The following KLC1 variants were observed in gnomAD, a reference collection of about 807,000 sequenced individuals.
The protein encoded by KLC1 is kinesin 2 60/70kDa.
A neutral mutation model predicts 84.2 loss-of-function variants in KLC1; 30 were observed. The ratio of observed to expected loss-of-function variants is 0.36; its 90% CI spans 0.27 to 0.48. The LOEUF is 0.48. Ranked by LOEUF, KLC1 falls within the 20% of genes least tolerant of loss-of-function variation. The pLI is 0.99. For missense variants in KLC1, 499 were observed against 805.4 expected (o/e 0.62, Z 4.60); for synonymous variants, 289 against 293.3 (o/e 0.99, Z 0.15).
At chr14:103,687,039 G>A (rs1336343800) in intron 13 of KLC1, 42 bp from the exon 14 acceptor site, 15 of 1,485,746 alleles carry the variant, frequency 1.0e-5, no homozygotes, top group Non-Finnish European at 1.4e-5. Context: ...GGGAAGGAGG[G>A]AGAACCACCT....
intron 5 of KLC1, among the ~76,000 whole-genome samples, chr14:103,665,037 T>A (rs973172749): frequency 6.6e-6 from 1 of 152,054 alleles, no homozygotes; most frequent in African/African-American, 2.4e-5. Context: ...AGTGTGAGAG[T>A]TGACCCACGT....
chr14:103,650,489 A>G lies in KLC1; in HGVS notation c.-1-4075A>G, dbSNP rs1395713334. 2.6e-5 allele frequency among the ~76,000 whole-genome samples: 4 copies of G among 152,200 alleles called. 1 individual carries two copies. The highest frequency in any genetic ancestry group is 5.9e-5 in the Non-Finnish European group (4 of 68,042). On this transcript the variant is annotated intron_variant, in intron 1 of 16. Coordinates refer to ENST00000334553, the MANE Select transcript of KLC1 (RefSeq NM_001394837.1). ...GTGATGGTGTGATTTATAGGCTGGC[A>G]AAATGTTTGAGTCAACTTAGATACT...
chr14:103,640,296 G>T (rs1376846953), intron 1 of KLC1, among the ~76,000 whole-genome samples: 1 of 152,064 alleles, frequency 6.6e-6, no homozygotes, highest in Non-Finnish European at 1.5e-5. Flanking sequence ...CTGACTTCAG[G>T]TGATCGACCC....
At chr14:103,677,971 T>A (rs1337461231) in intron 12 of KLC1, among the ~76,000 whole-genome samples, 28 of 136,280 alleles carry the variant, frequency 2.1e-4, no homozygotes, top group African/African-American at 3.2e-4. Flanking sequence ...CGTCTCAATT[T>A]AAAAAAAAAA....
chr14:103,629,809 C>T (rs1418854861), intron 1 of KLC1, among the ~76,000 whole-genome samples: 1 of 152,142 alleles, frequency 6.6e-6, no homozygotes. Flanking sequence ...TGCCCAGGGC[C>T]CCGCCCTGGC....
Position 103,699,161 on chromosome 14 carries a change from C to T in KLC1, c.1849-1494C>T, listed in dbSNP as rs1479315471. On this transcript the variant is annotated intron_variant, in intron 15 of 16. Coordinates refer to ENST00000334553, the MANE Select transcript of KLC1 (RefSeq NM_001394837.1). The stretch of plus-strand genomic sequence containing the variant: ...AGCGGCCCGTGTGCTGCGCCCTGCT[C>T]CTCCATGGCCTCTGTCACCTGGAAG... 9.6e-6 allele frequency: 15 copies of T among 1,568,296 alleles called. No homozygotes were observed. Among genetic ancestry groups the T allele is most frequent in the Non-Finnish European group, 1.3e-5 (15 of 1,159,898 alleles).
At chr14:103,668,052 GT>G (rs1370662411) in intron 5 of KLC1, among the ~76,000 whole-genome samples, 1 of 152,148 alleles carries the variant, frequency 6.6e-6, no homozygotes, top group Non-Finnish European at 1.5e-5. Flanking sequence ...TTTGTTTGTT[GT>G]TTTTTAAAAT....
intron 1 of KLC1, among the ~76,000 whole-genome samples, chr14:103,640,163 C>T (rs1344651346): frequency 1.3e-5 from 2 of 152,110 alleles, no homozygotes; most frequent in African/African-American, 2.4e-5. Flanking sequence ...CAGGTTCATG[C>T]GATTCTACTG....
chr14:103,675,156 C>T (rs573064691), intron 9 of KLC1, among the ~76,000 whole-genome samples: 1 of 152,258 alleles, frequency 6.6e-6, no homozygotes, highest in Admixed American at 6.5e-5. Context: ...AACCCCATCT[C>T]TACTAAAAAT....
intron 14 of KLC1, among the ~76,000 whole-genome samples, chr14:103,688,854 A>C (rs1415441965): frequency 6.6e-6 from 1 of 152,252 alleles, no homozygotes; most frequent in African/African-American, 2.4e-5. Flanking sequence ...ATGGGGACTT[A>C]GCAGCAAATT....
At chr14:103,679,584 G>A (rs570917209) in intron 13 of KLC1, 39 bp downstream of exon 13, 72 of 1,532,396 alleles carry the variant, frequency 4.7e-5, no homozygotes, top group Middle Eastern at 1.7e-4. Flanking sequence ...TCCGGGAGGC[G>A]CCCCCAAGTG....
intron 1 of KLC1, among the ~76,000 whole-genome samples, chr14:103,647,840 C>T (rs1321413482): frequency 6.8e-6 from 1 of 147,454 alleles, no homozygotes; most frequent in Non-Finnish European, 1.5e-5. Context: ...TGTGCAACTG[C>T]ACTCCAGCCT....
chr14:103,698,259 C>T (rs77103957), intron 15 of KLC1: 2,491 of 176,730 alleles, frequency 0.014, 65 homozygotes, highest in African/African-American at 0.055. Flanking sequence ...GGTGGGGCCC[C>T]CGGGAGCCAA....
chr14:103,701,490 GT>G lies in KLC1; in HGVS notation c.*292del. Reference sequence around the variant, plus strand: ...CCCATGTGTAACTTCCTCACGTTGTGTGCGATAACGTATTTTATTGTACATT... The same window carrying G: ...CCCATGTGTAACTTCCTCACGTTGTGGCGATAACGTATTTTATTGTACATT... On this transcript the variant is annotated 3_prime_UTR_variant, in exon 17 of 17. Coordinates refer to ENST00000334553, the MANE Select transcript of KLC1 (RefSeq NM_001394837.1). 2.4e-6 allele frequency: 1 copy of G among 412,816 alleles called. No individual in the cohort carries two copies. Among genetic ancestry groups the G allele is most frequent in the Non-Finnish European group, 4.3e-6 (1 of 231,264 alleles). 25.6% of individuals were successfully genotyped at this position (412,816 alleles called of 1,614,324 possible). A position where few individuals can be genotyped will look rare whatever the true frequency, so the allele number is the denominator to read the frequency against.
chr14:103,637,163 C>T (rs574270507), intron 1 of KLC1, among the ~76,000 whole-genome samples: 1 of 151,968 alleles, frequency 6.6e-6, no homozygotes, highest in South Asian at 2.1e-4. Flanking sequence ...TATGGCTTAA[C>T]TTTATTTTTT....
rs909279494 is a variant in KLC1, at chr14:103,694,364, G to C, written c.1848+1939G>C. The stretch of plus-strand genomic sequence containing the variant: ...CCTCCTGGGTTCACGCCATTCTCCT[G>C]CCTCAGCCTCCCGAGTAGCTGGGAC... On this transcript the variant is annotated intron_variant, in intron 15 of 16. Coordinates refer to ENST00000334553, the MANE Select transcript of KLC1 (RefSeq NM_001394837.1). The surrounding 1 kb of genome is among the most constrained non-coding windows in gnomAD (Gnocchi z 4.5). 1 of 935,108 alleles carries C rather than the reference G, an allele frequency of 1.1e-6. No individual in the cohort carries two copies. The highest frequency in any genetic ancestry group is 1.3e-6 in the Non-Finnish European group (1 of 785,606). The allele number at this position is 935,108 out of a possible 1,614,324, so 57.9% of individuals were successfully genotyped here.
At chr14:103,699,654 C>T in intron 15 of KLC1, 1 of 1,467,880 alleles carries the variant, frequency 6.8e-7, no homozygotes, top group South Asian at 1.2e-5. Flanking sequence ...TGGACTGTCA[C>T]TCGACCGTCT....
intron 12 of KLC1, 167 bp from the exon 13 acceptor site, chr14:103,679,217 T>C (rs1595516304): frequency 1.2e-6 from 1 of 812,270 alleles, no homozygotes; most frequent in Admixed American, 2.8e-5. Flanking sequence ...TGTTTCCAGT[T>C]CCCCGCCTCC....
At chr14:103,684,312 C>T (rs2081604919) in intron 13 of KLC1, among the ~76,000 whole-genome samples, 1 of 152,236 alleles carries the variant, frequency 6.6e-6, no homozygotes, top group Non-Finnish European at 1.5e-5. Flanking sequence ...TCCTATTAAT[C>T]CTGCTCAGGT....
Sources: allele counts gnomAD v4.1 joint callset (sites outside exome capture counted in the v4.1 genomes callset), GRCh38; gene constraint gnomAD v4.1.1; non-coding constraint Gnocchi (gnomAD v3.1); transcripts MANE v1.5; gene names NCBI Gene and HGNC (gene_info 2026-07-23, HGNC 2026-07-21).